NEDD4: variants seen among roughly 807,000 people sequenced by gnomAD.
NEDD4 encodes the protein NEDD4 E3 ubiquitin protein ligase, also known as E3 ubiquitin-protein ligase NEDD4.
A neutral mutation model predicts 144.9 loss-of-function variants in NEDD4; 99 were observed. The observed-to-expected ratio is 0.68, with a 90% CI of 0.58 to 0.81. The LOEUF is 0.81. Ranked by LOEUF, NEDD4 falls within the 30% of genes least tolerant of loss-of-function variation. The probability of loss-of-function intolerance (pLI) is 0.00; values close to 1 mark genes in which losing one functional copy is unlikely to be tolerated. For missense variants in NEDD4, 985 were observed against 1,065.9 expected, an observed-to-expected ratio of 0.92 and a Z score of 1.06; for synonymous variants, 318 against 350.6, an observed-to-expected ratio of 0.91 and a Z score of 1.04.
intron 4 of NEDD4, chr15:55,934,654 A>T (rs1273852553): frequency 6.6e-6 from 1 of 151,954 alleles, no homozygotes; most frequent in South Asian, 2.1e-4. Context: ...CCCAAACAGT[A>T]AAAAAGGATA....
At chr15:55,992,468 A>G (rs147042166) in intron 1 of NEDD4, among the ~76,000 whole-genome samples, 1 of 152,364 alleles carries the variant, frequency 6.6e-6, no homozygotes, top group African/African-American at 2.4e-5. Context: ...ACAATACTTA[A>G]GCAAGCAGTA....
At chr15:55,916,402 G>A (rs759238280) in intron 5 of NEDD4, 2 of 1,613,988 alleles carry the variant, frequency 1.2e-6, no homozygotes, top group Admixed American at 1.7e-5. Context: ...CAAATGGCTG[G>A]ACTGCTTACA....
intron 26 of NEDD4, 72 bp from the exon 27 acceptor site, chr15:55,833,176 G>A (rs2033038928): frequency 2.1e-6 from 2 of 945,876 alleles, no homozygotes; most frequent in Non-Finnish European, 3.3e-6. Flanking sequence ...TGAAACATAA[G>A]CTATCGGAAT....
At chr15:55,944,523 G>A (rs2037072152) in intron 4 of NEDD4, among the ~76,000 whole-genome samples, 1 of 152,324 alleles carries the variant, frequency 6.6e-6, no homozygotes, top group East Asian at 1.9e-4. Flanking sequence ...GCTCATCAAG[G>A]CCTACTGCCT....
chr15:55,865,358 C>T (rs895011128), intron 8 of NEDD4, among the ~76,000 whole-genome samples: 7 of 151,918 alleles, frequency 4.6e-5, no homozygotes, highest in Non-Finnish European at 7.4e-5. Context: ...AAGTTACAGA[C>T]TGAATAATAT....
intron 5 of NEDD4, among the ~76,000 whole-genome samples, chr15:55,882,630 C>T (rs1325476858): frequency 6.6e-6 from 1 of 152,086 alleles, no homozygotes; most frequent in Admixed American, 6.6e-5. Context: ...AGTCCTAGTT[C>T]GTACTGGGCT....
chr15:55,869,614 C>G lies in NEDD4; in HGVS notation c.472G>C (p.Glu158Gln). Residue 158 changes from glutamate (E) to glutamine (Q), a missense_variant, in exon 8 of 29, where the codon GAA becomes CAA. Transcript: ENST00000435532. Reference protein sequence around the residue: ...MTYLPKTSGSEDDNAEQAEEL... With the variant: ...MTYLPKTSGSQDDNAEQAEEL... ...TCAGCCTGTTCTGCATTATCATCTT[C>G]TGAGCCACTGGTTTTAGGTAAATAA... 1 of 1,586,480 alleles carries G rather than the reference C, an allele frequency of 6.3e-7. No homozygotes were observed. The highest frequency in any genetic ancestry group is 8.6e-7 in the Non-Finnish European group (1 of 1,164,588).
chr15:55,981,443 G>GATTGACAGC (rs1308917118), intron 1 of NEDD4, among the ~76,000 whole-genome samples: 1 of 152,022 alleles, frequency 6.6e-6, no homozygotes, highest in African/African-American at 2.4e-5. Flanking sequence ...GGAACCTATG[G>GATTGACAGC]ATTGACAGCA....
chr15:55,894,628 T>C (rs1374801247), intron 5 of NEDD4, among the ~76,000 whole-genome samples: 1 of 152,180 alleles, frequency 6.6e-6, no homozygotes, highest in Non-Finnish European at 1.5e-5. Context: ...TTTGAGTTAT[T>C]GTCCTTTGAA....
At chr15:55,855,037 A>C (rs1374906842) in intron 12 of NEDD4, among the ~76,000 whole-genome samples, 2 of 152,148 alleles carry the variant, frequency 1.3e-5, no homozygotes, top group South Asian at 2.1e-4. Flanking sequence ...GATGACAGTG[A>C]GTGAGAGTAA....
chr15:55,954,161 T>C (rs2037296083), intron 2 of NEDD4, among the ~76,000 whole-genome samples: 1 of 152,198 alleles, frequency 6.6e-6, no homozygotes, highest in Non-Finnish European at 1.5e-5. Context: ...ATACTTCTTT[T>C]TTTGGCCCTC....
At chr15:55,903,867 T>G (rs200830834) in intron 5 of NEDD4, among the ~76,000 whole-genome samples, 7 of 106,882 alleles carry the variant, frequency 6.5e-5, no homozygotes, top group Non-Finnish European at 1.4e-4. Context: ...TATATATATA[T>G]ACACACATTG....
At chr15:55,873,652 C>G (rs558391976) in intron 6 of NEDD4, among the ~76,000 whole-genome samples, 1 of 152,210 alleles carries the variant, frequency 6.6e-6, no homozygotes, top group South Asian at 2.1e-4. Context: ...CTTCTGTGAG[C>G]TTAGGCACTC....
At position 55,834,112 on chromosome 15, in the gene NEDD4, T is replaced by G; in HGVS notation, c.2356A>C (p.Asn786His). ...LMCGLGDVDV[N>H]DWREHTKYKN... ...TACTTTGTATGTTCCCTCCAGTCAT[T>G]CACATCAACATCTCCCAGTCCACAC... Residue 786 changes from asparagine (N) to histidine (H), a missense_variant, in exon 26 of 29, where the codon AAT (asparagine) becomes CAT (histidine). Asn to His is a moderately conservative substitution (Grantham distance 68). Transcript: ENST00000435532. The G allele has an allele frequency of 1.2e-6, 2 of 1,613,684 alleles. No homozygotes were observed. Among genetic ancestry groups the G allele is most frequent in the South Asian group, 2.2e-5 (2 of 91,072 alleles).
chr15:55,909,106 G>T (rs1353697825), intron 5 of NEDD4, among the ~76,000 whole-genome samples: 1 of 152,114 alleles, frequency 6.6e-6, no homozygotes, highest in East Asian at 1.9e-4. Flanking sequence ...TCTAAGTCAA[G>T]AGAAGGCCTA....
chr15:55,968,394 T>C (rs1279312964), intron 1 of NEDD4, among the ~76,000 whole-genome samples: 1 of 151,978 alleles, frequency 6.6e-6, no homozygotes, highest in Non-Finnish European at 1.5e-5. Context: ...TCCACAATAA[T>C]AAAATTATAT....
intron 4 of NEDD4, among the ~76,000 whole-genome samples, chr15:55,925,775 A>T (rs2036650131): frequency 6.6e-6 from 1 of 152,188 alleles, no homozygotes. Context: ...TTTTACCTAC[A>T]GCCACGTTCC....
At chr15:55,937,226 A>G (rs181281444) in intron 4 of NEDD4, among the ~76,000 whole-genome samples, 1 of 152,068 alleles carries the variant, frequency 6.6e-6, no homozygotes, top group East Asian at 1.9e-4. Context: ...TCTGACCACA[A>G]TTTCCATTTG....
chr15:55,877,939 A>G (rs7180060), intron 5 of NEDD4, among the ~76,000 whole-genome samples: 33,812 of 151,914 alleles, frequency 0.22, 4,009 homozygotes, highest in Non-Finnish European at 0.26. Context: ...TTTTTTGTGT[A>G]CTTCCTTACT....
Sources: gnomAD v4.1 joint callset for allele counts (sites outside exome capture counted in the v4.1 genomes callset) on GRCh38, gnomAD v4.1.1 for gene constraint, MANE v1.5 for transcripts, NCBI Gene and HGNC (gene_info 2026-07-23, HGNC 2026-07-21) for gene names.